CTNNA3: variants seen among roughly 807,000 people sequenced by gnomAD.
The protein encoded by CTNNA3 is catenin alpha-3.
A neutral mutation model predicts 95.7 loss-of-function variants in CTNNA3; 76 were observed. The ratio of observed to expected loss-of-function variants is 0.79; its 90% confidence interval spans 0.66 to 0.96. The LOEUF is 0.96. CTNNA3 is among the 40% of genes least tolerant of loss of function. The pLI is 0.00. For synonymous variants in CTNNA3, 431 were observed against 374.4 expected (o/e 1.15, Z -1.74); for missense variants, 1,191 against 1,089.8 (o/e 1.09, Z -1.31).
chr10:66,142,000 C>T (rs2133881144), intron 13 of CTNNA3, among the ~76,000 whole-genome samples: 1 of 152,240 alleles, frequency 6.6e-6, no homozygotes, highest in South Asian at 2.1e-4. Context: ...GAGCAGAAAG[C>T]TTACATTTTA....
At chr10:67,494,684 A>C (rs1271677025) in intron 5 of CTNNA3, among the ~76,000 whole-genome samples, 2 of 152,238 alleles carry the variant, frequency 1.3e-5, no homozygotes, top group Non-Finnish European at 2.9e-5. Flanking sequence ...TAGGGATTAA[A>C]TATTTTCCAT....
chr10:67,542,291 A>G (rs1175863678), intron 3 of CTNNA3, among the ~76,000 whole-genome samples: 3 of 152,078 alleles, frequency 2.0e-5, no homozygotes, highest in Non-Finnish European at 2.9e-5. Flanking sequence ...AGGTCTTACA[A>G]TAAGATTCTA....
chr10:67,109,190 G>A (rs1234445902), intron 7 of CTNNA3, among the ~76,000 whole-genome samples: 3 of 152,096 alleles, frequency 2.0e-5, no homozygotes, highest in Non-Finnish European at 2.9e-5. Flanking sequence ...GAAAATGAAT[G>A]AGAATTAGGT....
intron 2 of CTNNA3, among the ~76,000 whole-genome samples, chr10:67,608,303 A>T (rs1843347121): frequency 6.6e-6 from 1 of 152,176 alleles, no homozygotes; most frequent in African/African-American, 2.4e-5. Flanking sequence ...ACTTAATTAT[A>T]ATTATTTTTG....
chr10:66,329,346 G>A (rs1252990094), intron 12 of CTNNA3, among the ~76,000 whole-genome samples: 1 of 151,854 alleles, frequency 6.6e-6, no homozygotes, highest in Non-Finnish European at 1.5e-5. Flanking sequence ...GTGATTGTGG[G>A]CCTTGCAATC....
chr10:66,145,650 C>G (rs2083845518), intron 13 of CTNNA3, among the ~76,000 whole-genome samples: 1 of 152,160 alleles, frequency 6.6e-6, no homozygotes, highest in Non-Finnish European at 1.5e-5. Context: ...ATTGCACTAA[C>G]TTGGACCTGC....
At chr10:65,965,002 T>G (rs2077926704) in intron 17 of CTNNA3, among the ~76,000 whole-genome samples, 1 of 152,186 alleles carries the variant, frequency 6.6e-6, no homozygotes, top group Non-Finnish European at 1.5e-5. Context: ...AAAATGCATT[T>G]TTCTCTGAAA....
intron 3 of CTNNA3, among the ~76,000 whole-genome samples, chr10:67,595,980 T>C (rs1374219101): frequency 1.3e-5 from 2 of 152,216 alleles, no homozygotes; most frequent in Non-Finnish European, 1.5e-5. Flanking sequence ...ATTTGCTTGG[T>C]AAATCTTTCT....
chr10:67,283,042 A>G (rs1255543321), intron 5 of CTNNA3, among the ~76,000 whole-genome samples: 1 of 152,200 alleles, frequency 6.6e-6, no homozygotes, highest in East Asian at 1.9e-4. Flanking sequence ...CCCATCCCAC[A>G]CCCAGAAGGA....
chr10:66,360,699 TCTTTCTTTCCTCCTTCCTTTCTTC>T lies in CTNNA3; in HGVS notation c.1732+18429_1732+18452del, dbSNP rs1429984493. Among the ~76,000 whole-genome samples the T allele has an allele frequency of 7.5e-4, 101 of 135,184 alleles. 6 individuals are homozygous for T. Among genetic ancestry groups the T allele is most frequent in the Non-Finnish European group, 1.2e-3 (71 of 61,660 alleles). The allele number at this position is 135,184 out of a possible 152,430, so 88.7% of individuals were successfully genotyped here. A position where few individuals can be genotyped will look rare whatever the true frequency, so the allele number is the denominator to read the frequency against. On this transcript the variant is annotated intron_variant, in intron 12 of 17. Transcript: ENST00000433211. ...CCTTCCTTCCTTCCTTCCTTTTCTT[TCTTTCTTTCCTCCTTCCTTTCTTC>T]CTTTCTTTCTTTCTTTCTTTCTTCC...
intron 9 of CTNNA3, among the ~76,000 whole-genome samples, chr10:66,674,405 G>C (rs1022964204): frequency 1.3e-5 from 2 of 151,790 alleles, no homozygotes; most frequent in African/African-American, 4.8e-5. Context: ...CTGAATGTAG[G>C]TCTTTCTAGA....
At chr10:66,891,932 A>T (rs1475110204) in intron 7 of CTNNA3, among the ~76,000 whole-genome samples, 1 of 152,132 alleles carries the variant, frequency 6.6e-6, no homozygotes, top group East Asian at 1.9e-4. Context: ...ACTAGACTGG[A>T]TATCTAGAAG....
chr10:67,479,167 C>T (rs913759712), intron 5 of CTNNA3, among the ~76,000 whole-genome samples: 8 of 152,130 alleles, frequency 5.3e-5, no homozygotes, highest in Non-Finnish European at 1.2e-4. Flanking sequence ...ACTTCAACAT[C>T]GCACTGACAA....
intron 7 of CTNNA3, among the ~76,000 whole-genome samples, chr10:67,147,106 TC>T (rs1012379232): frequency 1.3e-5 from 2 of 152,164 alleles, no homozygotes; most frequent in African/African-American, 4.8e-5. Context: ...TGACTATACA[TC>T]CACCTCTTTC....
At chr10:67,113,907 C>T (rs190743611) in intron 7 of CTNNA3, among the ~76,000 whole-genome samples, 1 of 151,988 alleles carries the variant, frequency 6.6e-6, no homozygotes, top group East Asian at 1.9e-4. Context: ...GTGAGATCCC[C>T]ATTTCTACAA....
At chr10:66,300,390 T>G (rs1027293767) in intron 12 of CTNNA3, among the ~76,000 whole-genome samples, 8 of 152,058 alleles carry the variant, frequency 5.3e-5, no homozygotes, top group African/African-American at 1.4e-4. Flanking sequence ...ACCAGGAGGA[T>G]TATTTATTTT....
At chr10:66,143,380 T>G (rs543621375) in intron 13 of CTNNA3, among the ~76,000 whole-genome samples, 6 of 152,128 alleles carry the variant, frequency 3.9e-5, no homozygotes, top group Non-Finnish European at 8.8e-5. Context: ...GTTTTTAAGT[T>G]TCTTGCTGAA....
At chr10:67,075,312 T>C (rs1047715173) in intron 7 of CTNNA3, among the ~76,000 whole-genome samples, 3 of 152,174 alleles carry the variant, frequency 2.0e-5, no homozygotes, top group African/African-American at 7.2e-5. Context: ...AAGCAATGGT[T>C]ACATTTAAAA....
At chr10:67,671,346 A>G (rs775826495) in intron 1 of CTNNA3, among the ~76,000 whole-genome samples, 18 of 151,826 alleles carry the variant, frequency 1.2e-4, no homozygotes, top group Admixed American at 2.0e-4. Context: ...TCCGTTATTA[A>G]CTTCTTTTTT....
Sources: allele counts gnomAD v4.1 joint callset (sites outside exome capture counted in the v4.1 genomes callset), GRCh38; gene constraint gnomAD v4.1.1; transcripts MANE v1.5; gene names NCBI Gene and HGNC (gene_info 2026-07-23, HGNC 2026-07-21).